ADAMTS2: variants seen among roughly 807,000 people sequenced by gnomAD.
ADAMTS2 encodes ADAM metallopeptidase with thrombospondin type 1 motif 2.
A neutral mutation model predicts 123.0 loss-of-function variants in ADAMTS2; 50 were observed. The ratio of observed to expected loss-of-function variants is 0.41; its 90% CI spans 0.32 to 0.51. The LOEUF (loss-of-function observed/expected upper bound fraction) is 0.51. Among genes scored for constraint, ADAMTS2 ranks in the 20% least tolerant of loss-of-function variants. ADAMTS2 has a pLI of 0.35. For missense variants in ADAMTS2, 1,494 were observed against 1,705.2 expected, an observed-to-expected ratio of 0.88 and a Z score of 2.18; for synonymous variants, 678 against 695.4, an observed-to-expected ratio of 0.98 and a Z score of 0.39.
Position 179,132,218 on chromosome 5 carries a change from T to C in ADAMTS2, c.2290+12A>G, listed in dbSNP as rs761568276. The C allele has an allele frequency of 2.5e-6, 4 of 1,613,610 alleles. No individual in the cohort carries two copies. The highest frequency in any genetic ancestry group is 3.4e-6 in the Non-Finnish European group (4 of 1,179,842). ...TCCTGAGGACGTCAAGTTGTCCGGC[T>C]CTGAGACTCACCCAGATGGTGGCTG... On this transcript the variant is annotated intron_variant, in intron 15 of 21. Coordinates refer to ENST00000251582, the MANE Select transcript of ADAMTS2 (RefSeq NM_014244.5). The surrounding 1 kb of genome is among the most constrained non-coding windows in gnomAD (Gnocchi z 6.1).
intron 2 of ADAMTS2, among the ~76,000 whole-genome samples, chr5:179,293,147 G>A (rs1756235208): frequency 6.6e-6 from 1 of 152,214 alleles, no homozygotes; most frequent in Non-Finnish European, 1.5e-5. Context: ...CCACGGGGAA[G>A]ACAGTCTGAC....
chr5:179,129,929 C>A lies in ADAMTS2; in HGVS notation c.2457+3G>T. 1 of 1,613,896 alleles carries A rather than the reference C, an allele frequency of 6.2e-7. No individual in the cohort carries two copies. The highest frequency in any genetic ancestry group is 8.5e-7 in the Non-Finnish European group (1 of 1,180,032). On this transcript the variant is annotated splice_donor_region_variant and intron_variant, in intron 16 of 21. Coordinates refer to ENST00000251582, the MANE Select transcript of ADAMTS2 (RefSeq NM_014244.5). The surrounding 1 kb of genome is among the most constrained non-coding windows in gnomAD (Gnocchi z 4.1). ...CCCTGGGCCCAGCCCTGCTTGGACT[C>A]ACCAGAACGGTGATGGTGCCGTGGA... is the stretch of plus-strand genomic sequence containing the variant.
chr5:179,307,283 G>A lies in ADAMTS2; in HGVS notation c.535-34219C>T, dbSNP rs985610536. On this transcript the variant is annotated intron_variant, in intron 2 of 21. Transcript: ENST00000251582. The surrounding 1 kb of genome is among the most constrained non-coding windows in gnomAD (Gnocchi z 5.6). ...CCTGCAAGCCTCAGCCTTCAGGGAC[G>A]GCAAGACCTGGGGCCCACAGGAGGT... 7.2e-5 allele frequency among the ~76,000 whole-genome samples: 11 copies of A among 152,150 alleles called. No individual in the cohort carries two copies. The highest frequency in any genetic ancestry group is 1.2e-4 in the African/African-American group (5 of 41,424).
In ADAMTS2 at chr5:179,314,576, G is replaced by A. The variant is rs1016946439; in HGVS notation, c.534+29191C>T. ...CCCCCGGGCCGTGTCTCTCTCTCAC[G>A]GGCCCACATCCTCACTGGACTGTCT... On this transcript the variant is annotated intron_variant, in intron 2 of 21. Coordinates refer to ENST00000251582, the MANE Select transcript of ADAMTS2 (RefSeq NM_014244.5). The surrounding 1 kb of genome is among the most constrained non-coding windows in gnomAD (Gnocchi z 4.5). 1.2e-4 allele frequency among the ~76,000 whole-genome samples: 19 copies of A among 152,122 alleles called. No individual in the cohort carries two copies. Among genetic ancestry groups the A allele is most frequent in the African/African-American group, 2.7e-4 (11 of 41,422 alleles).
intron 4 of ADAMTS2, among the ~76,000 whole-genome samples, chr5:179,206,718 G>A (rs1323877967): frequency 6.6e-6 from 1 of 152,206 alleles, no homozygotes; most frequent in South Asian, 2.1e-4. Context: ...TCCCCACAGT[G>A]GCTCTGACCA....
intron 21 of ADAMTS2, 97 bp from the exon 22 acceptor site, chr5:179,114,421 G>A (rs1363052234): frequency 4.0e-6 from 5 of 1,258,250 alleles, no homozygotes. Flanking sequence ...ATATGGAAGA[G>A]CCCAGAGACA....
chr5:179,300,499 A>G (rs1018690364), intron 2 of ADAMTS2, among the ~76,000 whole-genome samples: 3 of 152,258 alleles, frequency 2.0e-5, no homozygotes, highest in Admixed American at 6.5e-5. Flanking sequence ...AAGAAACAAA[A>G]GAATAGCATC....
intron 4 of ADAMTS2, among the ~76,000 whole-genome samples, chr5:179,186,479 C>A (rs1002773882): frequency 6.6e-6 from 1 of 152,150 alleles, no homozygotes; most frequent in Non-Finnish European, 1.5e-5. Context: ...AGGAGTGAGC[C>A]CCGTCCTGCC....
intron 5 of ADAMTS2, among the ~76,000 whole-genome samples, chr5:179,174,109 T>G (rs1763885976): frequency 6.6e-6 from 1 of 152,142 alleles, no homozygotes; most frequent in Non-Finnish European, 1.5e-5. Flanking sequence ...ATACTCAAAG[T>G]GTGCCTGCTT....
intron 7 of ADAMTS2, 54 bp downstream of exon 7, chr5:179,154,760 G>T: frequency 6.9e-7 from 1 of 1,444,108 alleles, no homozygotes; most frequent in Non-Finnish European, 9.6e-7. Context: ...GGCAGCCAGG[G>T]CTGGGGATCC....
chr5:179,337,042 C>A (rs746263050), intron 2 of ADAMTS2, among the ~76,000 whole-genome samples: 4 of 152,162 alleles, frequency 2.6e-5, no homozygotes, highest in Non-Finnish European at 5.9e-5. Flanking sequence ...ATGGACAAGC[C>A]CGAGGAGCCA....
At chr5:179,217,744 G>T (rs55637199) in intron 3 of ADAMTS2, among the ~76,000 whole-genome samples, 84 of 109,400 alleles carry the variant, frequency 7.7e-4, no homozygotes, top group Non-Finnish European at 8.7e-4. Flanking sequence ...TGGCACACTT[G>T]CTAGGGGATG....
rs993342457 is a variant in ADAMTS2, at chr5:179,189,947, G to C, written c.892-8792C>G. Among the ~76,000 whole-genome samples, 23 of 152,272 alleles carry C rather than the reference G, an allele frequency of 1.5e-4. No individual in the cohort carries two copies. Among genetic ancestry groups the C allele is most frequent in the African/African-American group, 5.1e-4 (21 of 41,542 alleles). ...CAAAGTACATTACCCCAAGGGCGGA[G>C]AGGGTGTATTGTTCACAAATTCAAT... is the stretch of plus-strand genomic sequence containing the variant. On this transcript the variant is annotated intron_variant, in intron 4 of 21. Coordinates refer to ENST00000251582, the MANE Select transcript of ADAMTS2 (RefSeq NM_014244.5). This position sits in a 1 kb window ranked among gnomAD's most constrained non-coding sequence, Gnocchi z 4.2.
chr5:179,259,518 G>A (rs566957842), intron 3 of ADAMTS2, among the ~76,000 whole-genome samples: 115 of 152,318 alleles, frequency 7.5e-4, no homozygotes, highest in Non-Finnish European at 1.4e-3. Context: ...AGAGACAACC[G>A]CGCAGGGAAC....
rs1561605252 is a variant in ADAMTS2, at chr5:179,229,400, CA to C, written c.689-21686del. Among the ~76,000 whole-genome samples the C allele has an allele frequency of 4.1e-3, 347 of 84,926 alleles. 21 individuals carry two copies. Among genetic ancestry groups the C allele is most frequent in the African/African-American group, 0.02 (322 of 16,510 alleles). 55.7% of individuals were successfully genotyped at this position (84,926 alleles called of 152,430 possible). A position where few individuals can be genotyped will look rare whatever the true frequency, so the allele number is the denominator to read the frequency against. On this transcript the variant is annotated intron_variant, in intron 3 of 21. Transcript: ENST00000251582. The stretch of plus-strand genomic sequence containing the variant: ...AAACACGAGACCCCGCTGCCCACTC[CA>C]CAAACACGAGACCCCGCTGCCCACT...
intron 5 of ADAMTS2, among the ~76,000 whole-genome samples, chr5:179,177,420 C>T (rs763123285): frequency 4.6e-5 from 7 of 152,144 alleles, no homozygotes; most frequent in Non-Finnish European, 7.3e-5. Flanking sequence ...CCATTGACTA[C>T]GAAAGACACA....
At chr5:179,201,523 C>T (rs558724233) in intron 4 of ADAMTS2, among the ~76,000 whole-genome samples, 4 of 151,844 alleles carry the variant, frequency 2.6e-5, no homozygotes, top group Non-Finnish European at 4.4e-5. Flanking sequence ...CGGTGGCTCA[C>T]GCCTGTAATC....
intron 2 of ADAMTS2, among the ~76,000 whole-genome samples, chr5:179,277,466 C>G (rs1345448044): frequency 2.3e-5 from 1 of 42,784 alleles, no homozygotes; most frequent in African/African-American, 7.7e-5. Context: ...ACCCCCCCCC[C>G]CGAGACCAAA....
At chr5:179,223,714 AC>A (rs1243677946) in intron 3 of ADAMTS2, among the ~76,000 whole-genome samples, 1 of 152,148 alleles carries the variant, frequency 6.6e-6, no homozygotes, top group African/African-American at 2.4e-5. Context: ...ATGCACACAA[AC>A]GCACATGCAT....
Sources: gnomAD v4.1 joint callset for allele counts (sites outside exome capture counted in the v4.1 genomes callset) on GRCh38, gnomAD v4.1.1 for gene constraint, Gnocchi (gnomAD v3.1) non-coding constraint, MANE v1.5 for transcripts, NCBI Gene and HGNC (gene_info 2026-07-23, HGNC 2026-07-21) for gene names.